The following GRIA4 variants were observed in gnomAD, a reference collection of about 807,000 sequenced individuals.
GRIA4 encodes the protein glutamate ionotropic receptor AMPA type subunit 4.
A neutral mutation model predicts 104.0 loss-of-function variants in GRIA4; 34 were observed. That is an observed-to-expected ratio of 0.33 (90% CI 0.25 to 0.44). The LOEUF (loss-of-function observed/expected upper bound fraction) is 0.44. GRIA4 is among the 20% of genes least tolerant of loss of function. GRIA4 has a pLI of 1.00. For synonymous variants in GRIA4, 386 were observed against 381.9 expected (o/e 1.01, Z -0.13); for missense variants, 750 against 1,096.5 (o/e 0.68, Z 4.46).
intron 5 of GRIA4, among the ~76,000 whole-genome samples, chr11:105,882,839 G>A (rs766840448): frequency 7.2e-5 from 11 of 152,132 alleles, no homozygotes; most frequent in Admixed American, 1.3e-4. Context: ...GAAAAGTGAA[G>A]TCAATATGGA....
At chr11:105,720,098 A>G (rs1937687117) in intron 3 of GRIA4, among the ~76,000 whole-genome samples, 1 of 151,760 alleles carries the variant, frequency 6.6e-6, no homozygotes, top group South Asian at 2.1e-4. Flanking sequence ...CAATATGCCA[A>G]CTTTGATCTC....
chr11:105,956,779 G>T (rs1422990427), intron 14 of GRIA4, among the ~76,000 whole-genome samples: 1 of 152,166 alleles, frequency 6.6e-6, no homozygotes, highest in African/African-American at 2.4e-5. Flanking sequence ...GTTGTTTCCT[G>T]ACTTTTTAAT....
intron 4 of GRIA4, among the ~76,000 whole-genome samples, chr11:105,802,265 C>T (rs982741864): frequency 6.6e-6 from 1 of 152,040 alleles, no homozygotes; most frequent in African/African-American, 2.4e-5. Context: ...AAAGCAGAGC[C>T]CGCCTGACAG....
At chr11:105,780,222 T>C (rs1485183109) in intron 4 of GRIA4, among the ~76,000 whole-genome samples, 1 of 152,196 alleles carries the variant, frequency 6.6e-6, no homozygotes, top group Non-Finnish European at 1.5e-5. Flanking sequence ...GGAATATTGA[T>C]ATGATTGACG....
chr11:105,894,746 A>C (rs559813820), intron 6 of GRIA4, among the ~76,000 whole-genome samples: 1 of 152,210 alleles, frequency 6.6e-6, no homozygotes, highest in African/African-American at 2.4e-5. Flanking sequence ...AAGCAACTCC[A>C]AGTCCTCATT....
intron 3 of GRIA4, among the ~76,000 whole-genome samples, chr11:105,659,299 G>A (rs945229535): frequency 1.3e-5 from 2 of 151,938 alleles, no homozygotes; most frequent in African/African-American, 4.8e-5. Flanking sequence ...TTAGGCATGC[G>A]ATTTGGCTCA....
chr11:105,630,842 CAA>C (rs1328478773), intron 3 of GRIA4, among the ~76,000 whole-genome samples: 3 of 152,078 alleles, frequency 2.0e-5, no homozygotes, highest in Non-Finnish European at 4.4e-5. Context: ...GATTTAGAAT[CAA>C]AGAGTCCTAT....
intron 3 of GRIA4, among the ~76,000 whole-genome samples, chr11:105,723,454 A>T (rs558129884): frequency 6.6e-6 from 1 of 152,200 alleles, no homozygotes; most frequent in East Asian, 1.9e-4. Flanking sequence ...TAAAATAACG[A>T]TTGGTCAGCA....
At chr11:105,763,777 C>T (rs1356603262) in intron 4 of GRIA4, among the ~76,000 whole-genome samples, 1 of 152,180 alleles carries the variant, frequency 6.6e-6, no homozygotes, top group African/African-American at 2.4e-5. Flanking sequence ...TTGTGAGAGA[C>T]ATTCCTCTCT....
intron 6 of GRIA4, among the ~76,000 whole-genome samples, chr11:105,891,739 T>C (rs888867124): frequency 2.6e-5 from 4 of 152,210 alleles, no homozygotes; most frequent in Non-Finnish European, 5.9e-5. Context: ...GAACTTATTC[T>C]TGTTTTTTCA....
chr11:105,854,890 A>G (rs1944955691), intron 4 of GRIA4, among the ~76,000 whole-genome samples: 1 of 152,188 alleles, frequency 6.6e-6, no homozygotes, highest in African/African-American at 2.4e-5. Flanking sequence ...TAGTGGGGTT[A>G]TGCTTTGATG....
chr11:105,912,649 T>C, intron 10 of GRIA4: 1 of 733,576 alleles, frequency 1.4e-6, no homozygotes, highest in Non-Finnish European at 1.7e-6. Flanking sequence ...TATCTTTTTG[T>C]ATGAAAATGT....
At chr11:105,904,170 G>T (rs974283448) in intron 8 of GRIA4, among the ~76,000 whole-genome samples, 189 bp downstream of exon 8, 3 of 152,126 alleles carry the variant, frequency 2.0e-5, no homozygotes, top group Admixed American at 6.5e-5. Context: ...ATTTTATGTG[G>T]ATGCATAATC....
chr11:105,843,435 T>C (rs1159814757), intron 4 of GRIA4, among the ~76,000 whole-genome samples: 3 of 152,244 alleles, frequency 2.0e-5, no homozygotes, highest in Non-Finnish European at 4.4e-5. Flanking sequence ...AGCCTATCTT[T>C]GAATACTCTC....
At chr11:105,910,395 C>T (rs769873185) in intron 9 of GRIA4, 40 bp from the exon 10 acceptor site, 2 of 962,464 alleles carry the variant, frequency 2.1e-6, no homozygotes, top group Non-Finnish European at 1.7e-6. Context: ...AGAGTAAATG[C>T]TTCTAAAATA....
intron 4 of GRIA4, among the ~76,000 whole-genome samples, chr11:105,765,007 G>A (rs150777557): frequency 1.1e-3 from 168 of 152,186 alleles, no homozygotes; most frequent in South Asian, 3.3e-3. Flanking sequence ...TAGCCAAGTA[G>A]CATGTGACCA....
chr11:105,623,053 GTA>G (rs58596312), intron 3 of GRIA4, among the ~76,000 whole-genome samples: 5,513 of 126,810 alleles, frequency 0.043, 141 homozygotes, highest in Non-Finnish European at 0.059. Flanking sequence ...GTATTCCATT[GTA>G]TATATATATA....
chr11:105,855,836 G>A (rs975965478), intron 4 of GRIA4, among the ~76,000 whole-genome samples: 5 of 151,984 alleles, frequency 3.3e-5, no homozygotes, highest in African/African-American at 1.2e-4. Context: ...TCAGACCTCT[G>A]TCATAATTTA....
At chr11:105,662,007 T>TTTG (rs1952027601) in intron 3 of GRIA4, among the ~76,000 whole-genome samples, 1 of 149,852 alleles carries the variant, frequency 6.7e-6, no homozygotes, top group African/African-American at 2.4e-5. Context: ...GTGTGTGTGT[T>TTTG]TGTGTGTGTG....
Sources: allele counts gnomAD v4.1 joint callset (sites outside exome capture counted in the v4.1 genomes callset), GRCh38; gene constraint gnomAD v4.1.1; transcripts MANE v1.5; gene names NCBI Gene and HGNC (gene_info 2026-07-23, HGNC 2026-07-21).